TEX22: variants seen among roughly 807,000 people sequenced by gnomAD.
TEX22 encodes testis-expressed protein 22.
In TEX22, 16 loss-of-function variants were observed where a neutral mutation model predicts 11.3. The ratio of observed to expected loss-of-function variants is 1.42; its 90% CI spans 0.96 to 2.15. TEX22 has a LOEUF of 2.15. TEX22 is among the 30% of genes most tolerant of loss of function. TEX22 has a pLI of 0.00. For synonymous variants in TEX22, 97 were observed against 92.3 expected, an observed-to-expected ratio of 1.05 and a Z score of -0.29; for missense variants, 220 against 208.6, an observed-to-expected ratio of 1.05 and a Z score of -0.34.
intron 2 of TEX22, among the ~76,000 whole-genome samples, chr14:105,402,590 T>TA (rs587733868): frequency 6.6e-6 from 1 of 151,286 alleles, no homozygotes; most frequent in Non-Finnish European, 1.5e-5. Context: ...CCGTCTCTAC[T>TA]AAAAAATACA....
chr14:105,405,124 T>TA (rs1217974096), intron 2 of TEX22, among the ~76,000 whole-genome samples: 14 of 151,998 alleles, frequency 9.2e-5, no homozygotes, highest in African/African-American at 3.1e-4. Context: ...CCCATCTCTA[T>TA]AAAAAAATCA....
At chr14:105,410,275 C>T (rs2081682187) in intron 2 of TEX22, among the ~76,000 whole-genome samples, 1 of 152,284 alleles carries the variant, frequency 6.6e-6, no homozygotes, top group Non-Finnish European at 1.5e-5. Flanking sequence ...TGGGGTTTTT[C>T]CACGTTGGTC....
intron 2 of TEX22, among the ~76,000 whole-genome samples, chr14:105,410,494 A>G (rs188167580): frequency 6.6e-6 from 1 of 152,212 alleles, no homozygotes; most frequent in Admixed American, 6.5e-5. Flanking sequence ...TATTGTGAAT[A>G]ATGACCACTG....
chr14:105,401,590 G>A (rs1294570563), intron 2 of TEX22, among the ~76,000 whole-genome samples: 1 of 124,734 alleles, frequency 8.0e-6, no homozygotes, highest in Admixed American at 8.3e-5. Context: ...TGTGGGGTGG[G>A]GGGAGGGGGG....
chr14:105,411,896 A>G lies in TEX22; in HGVS notation c.*63A>G. Reference sequence around the variant, plus strand: ...TTCCTTGGGGGCCCACGGTGGGGGCAGCCTCTGCGCCTTCTTTGTGCCCCA... The same window carrying G: ...TTCCTTGGGGGCCCACGGTGGGGGCGGCCTCTGCGCCTTCTTTGTGCCCCA... On this transcript the variant is annotated 3_prime_UTR_variant, in exon 4 of 4. Coordinates refer to ENST00000451127, the MANE Select transcript of TEX22 (RefSeq NM_001195082.2). The G allele has an allele frequency of 7.3e-7, 1 of 1,370,942 alleles. No homozygotes were observed. Among genetic ancestry groups the G allele is most frequent in the Non-Finnish European group, 9.5e-7 (1 of 1,055,994 alleles). 84.9% of individuals were successfully genotyped at this position (1,370,942 alleles called of 1,614,324 possible). A position where few individuals can be genotyped will look rare whatever the true frequency, so the allele number is the denominator to read the frequency against.
At chr14:105,398,866 C>T (rs2141352077) in intron 1 of TEX22, among the ~76,000 whole-genome samples, 1 of 152,316 alleles carries the variant, frequency 6.6e-6, no homozygotes, top group South Asian at 2.1e-4. Context: ...GCCTGGGCCG[C>T]GTGGAGGGGA....
At chr14:105,402,101 G>A (rs1176452428) in intron 2 of TEX22, among the ~76,000 whole-genome samples, 1 of 152,126 alleles carries the variant, frequency 6.6e-6, no homozygotes, top group Non-Finnish European at 1.5e-5. Flanking sequence ...CAGGAGAATT[G>A]CTTGAACCTG....
At chr14:105,398,668 G>C (rs1277440339) in intron 1 of TEX22, 33 bp downstream of exon 1, 3 of 152,344 alleles carry the variant, frequency 2.0e-5, no homozygotes, top group African/African-American at 7.2e-5. Flanking sequence ...GGGTGCCCAC[G>C]TACCCCCCAC....
chr14:105,411,525 C>CCA, intron 3 of TEX22, 29 bp downstream of exon 3: 2 of 1,056,554 alleles, frequency 1.9e-6, no homozygotes, highest in Non-Finnish European at 1.2e-6. Context: ...CTCCCCGCCC[C>CCA]GTCCCCGCCC....
At chr14:105,402,114 A>T (rs1167850472) in intron 2 of TEX22, among the ~76,000 whole-genome samples, 4 of 152,128 alleles carry the variant, frequency 2.6e-5, no homozygotes, top group African/African-American at 9.7e-5. Context: ...TGAACCTGGG[A>T]GTTGGAGGAT....
Position 105,411,477 on chromosome 14 carries a change from G to C in TEX22, c.260G>C (p.Gly87Ala), listed in dbSNP as rs966977350. 8.9e-6 allele frequency: 11 copies of C among 1,234,928 alleles called. No individual in the cohort carries two copies. The highest frequency in any genetic ancestry group is 3.1e-5 in the African/African-American group (2 of 63,726). The allele number at this position is 1,234,928 out of a possible 1,614,324, so 76.5% of individuals were successfully genotyped here. The part of the protein sequence containing the change: ...LGGRERPGAA[G>A]TQLHCRDVVQ... ...GGCCGGGAGAGGCCGGGCGCCGCCGGGACCCAGCTGCACTGCAGGGTGCGC... is the reference window on the plus strand; with the variant it reads ...GGCCGGGAGAGGCCGGGCGCCGCCGCGACCCAGCTGCACTGCAGGGTGCGC... Residue 87 changes from glycine to alanine, a missense_variant, in exon 3 of 4, where the codon GGG becomes GCG. By Grantham distance (60) the Gly-to-Ala change is moderately conservative. Transcript: ENST00000451127.
chr14:105,401,619 T>A (rs1269964493), intron 2 of TEX22, among the ~76,000 whole-genome samples: 1 of 148,926 alleles, frequency 6.7e-6, no homozygotes, highest in Non-Finnish European at 1.5e-5. Flanking sequence ...CATTAGGAGA[T>A]ACACCTAATG....
chr14:105,408,097 T>TA (rs2081667999), intron 2 of TEX22, among the ~76,000 whole-genome samples: 1 of 152,234 alleles, frequency 6.6e-6, no homozygotes, highest in African/African-American at 2.4e-5. Context: ...TTATTTTTTT[T>TA]AAATTTTAAA....
Position 105,411,416 on chromosome 14 carries a change from A to G in TEX22, c.199A>G (p.Ser67Gly). ...RRRPGRRWSV[S>G]IDERRRLATL... ...GCGCCCGGGCCGCCGCTGGAGCGTC[A>G]GCATCGACGAGCGCCGGCGGCTGGC... Residue 67 changes from serine (S) to glycine (G), a missense_variant, in exon 3 of 4, where the codon AGC (serine) becomes GGC (glycine). By Grantham distance (56) the Ser-to-Gly change is moderately conservative. Coordinates refer to ENST00000451127, the MANE Select transcript of TEX22 (RefSeq NM_001195082.2). 2.4e-6 allele frequency: 3 copies of G among 1,256,792 alleles called. No homozygotes were observed. Among genetic ancestry groups the G allele is most frequent in the Non-Finnish European group, 9.9e-7 (1 of 1,005,936 alleles). 77.9% of individuals were successfully genotyped at this position (1,256,792 alleles called of 1,614,324 possible).
chr14:105,403,209 A>G (rs1035587598), intron 2 of TEX22, among the ~76,000 whole-genome samples: 3 of 152,230 alleles, frequency 2.0e-5, no homozygotes, highest in Non-Finnish European at 4.4e-5. Flanking sequence ...ACAATTTATT[A>G]TTCTATTGAT....
chr14:105,402,908 G>A (rs2081640332), intron 2 of TEX22, among the ~76,000 whole-genome samples: 1 of 152,310 alleles, frequency 6.6e-6, no homozygotes, highest in South Asian at 2.1e-4. Flanking sequence ...ACAGGGTCTT[G>A]CTCTGTCACC....
intron 2 of TEX22, 86 bp downstream of exon 2, chr14:105,399,576 G>A (rs587693397): frequency 2.1e-5 from 29 of 1,399,912 alleles, no homozygotes; most frequent in Non-Finnish European, 2.5e-5. Flanking sequence ...CAGGCTGGTC[G>A]TGATGAGCAG....
chr14:105,413,699 A>C lies in TEX22; in HGVS notation c.*1866A>C, dbSNP rs1380751828. 6.6e-6 allele frequency: 1 copy of C among 152,288 alleles called. No individual in the cohort carries two copies. Among genetic ancestry groups the C allele is most frequent in the Non-Finnish European group, 1.5e-5 (1 of 68,116 alleles). 9.4% of individuals were successfully genotyped at this position (152,288 alleles called of 1,614,324 possible). A position where few individuals can be genotyped will look rare whatever the true frequency, so the allele number is the denominator to read the frequency against. ...CAGTCTCCTGGTGGGTAAGGTGGCC[A>C]CAGGGCCAGCTGGCAGCAGGGTATT... On this transcript the variant is annotated 3_prime_UTR_variant, in exon 4 of 4. Coordinates refer to ENST00000451127, the MANE Select transcript of TEX22 (RefSeq NM_001195082.2). This position sits in a 1 kb window ranked among gnomAD's most constrained non-coding sequence, Gnocchi z 4.2.
At chr14:105,405,872 A>T (rs1349618711) in intron 2 of TEX22, among the ~76,000 whole-genome samples, 8 of 152,386 alleles carry the variant, frequency 5.2e-5, no homozygotes, top group African/African-American at 1.9e-4. Context: ...GGAAAATAAG[A>T]GCAAGGCCTG....
Sources: gnomAD v4.1 joint callset for allele counts (sites outside exome capture counted in the v4.1 genomes callset) on GRCh38, gnomAD v4.1.1 for gene constraint, Gnocchi (gnomAD v3.1) non-coding constraint, MANE v1.5 for transcripts, NCBI Gene and HGNC (gene_info 2026-07-23, HGNC 2026-07-21) for gene names.